TRAPPC12: variants seen among roughly 807,000 people sequenced by gnomAD.
The protein encoded by TRAPPC12 is trafficking protein particle complex subunit 12.
Under a neutral mutation model 69.2 loss-of-function variants are expected in TRAPPC12, and 61 were observed. That is an observed-to-expected ratio of 0.88 (90% CI 0.72 to 1.09). The LOEUF (loss-of-function observed/expected upper bound fraction) is 1.09. Ranked by LOEUF, TRAPPC12 falls within the 50% of genes least tolerant of loss-of-function variation. The probability of loss-of-function intolerance (pLI) is 0.00; values close to 1 mark genes in which losing one functional copy is unlikely to be tolerated. For synonymous variants in TRAPPC12, 469 were observed against 438.9 expected, an observed-to-expected ratio of 1.07 and a Z score of -0.86; for missense variants, 1,101 against 1,016.4, an observed-to-expected ratio of 1.08 and a Z score of -1.13.
At chr2:3,444,023 A>G in intron 6 of TRAPPC12, 132 bp downstream of exon 6, 2 of 660,512 alleles carry the variant, frequency 3.0e-6, no homozygotes, top group Non-Finnish European at 2.6e-6. Context: ...TCAGAAGGCT[A>G]GGTGACCCGG....
intron 2 of TRAPPC12, among the ~76,000 whole-genome samples, chr2:3,394,729 C>T (rs975469760): frequency 1.3e-5 from 2 of 152,160 alleles, no homozygotes; most frequent in South Asian, 2.1e-4. Flanking sequence ...TCCATAATTA[C>T]TGCCAGCCTT....
At chr2:3,443,954 G>A in intron 6 of TRAPPC12, 63 bp downstream of exon 6, 1 of 1,268,028 alleles carries the variant, frequency 7.9e-7, no homozygotes, top group Non-Finnish European at 1.1e-6. Context: ...CCTCCCCACA[G>A]GACATGCCCG....
rs1161771511 is a variant in TRAPPC12 at position 3,421,167 on chromosome 2, T to TA, written c.1165-711dup. ...TCCACTTTTAGCTTCTTAAAAGGTT[T>TA]AAACATTCTGATCTTATTTTCCCAT... On this transcript the variant is annotated intron_variant, in intron 3 of 11. Transcript: ENST00000324266. Among the ~76,000 whole-genome samples the TA allele has an allele frequency of 2.6e-5, 4 of 152,342 alleles. No individual in the cohort carries two copies. The East Asian group carries it at 7.7e-4, about 29-fold the overall frequency.
chr2:3,408,083 GACA>G (rs1364372816), intron 3 of TRAPPC12, among the ~76,000 whole-genome samples: 1 of 152,072 alleles, frequency 6.6e-6, no homozygotes, highest in Non-Finnish European at 1.5e-5. Context: ...TCACCTCTTG[GACA>G]AGTCTGAAGA....
At chr2:3,397,537 A>G (rs1252279979) in intron 2 of TRAPPC12, among the ~76,000 whole-genome samples, 1 of 152,226 alleles carries the variant, frequency 6.6e-6, no homozygotes, top group Non-Finnish European at 1.5e-5. Flanking sequence ...GCTGAGTGTC[A>G]GCAGTAAACT....
chr2:3,393,607 T>C (rs1224068953), intron 2 of TRAPPC12, among the ~76,000 whole-genome samples: 1 of 152,058 alleles, frequency 6.6e-6, no homozygotes, highest in Admixed American at 6.6e-5. Context: ...AATGATCATA[T>C]ATACCTTGAA....
chr2:3,408,642 A>G (rs1661863572), intron 3 of TRAPPC12, among the ~76,000 whole-genome samples: 1 of 152,122 alleles, frequency 6.6e-6, no homozygotes, highest in African/African-American at 2.4e-5. Flanking sequence ...AAAATTTAAA[A>G]AAAAATAATA....
chr2:3,459,683 C>T (rs1030953212), intron 7 of TRAPPC12, among the ~76,000 whole-genome samples: 10 of 152,224 alleles, frequency 6.6e-5, no homozygotes, highest in Non-Finnish European at 7.3e-5. Context: ...AGGAAGCCAG[C>T]TGCAGGGGAG....
At chr2:3,477,636 A>G (rs1450192912) in intron 9 of TRAPPC12, 59 bp from the exon 10 acceptor site, 3 of 987,620 alleles carry the variant, frequency 3.0e-6, no homozygotes, top group Non-Finnish European at 4.6e-6. Flanking sequence ...AACTAAATAT[A>G]TGAGTATAGA....
chr2:3,457,479 AT>A lies in TRAPPC12; in HGVS notation c.1531-136del, dbSNP rs1247791897. ...TAAATAAAATATCAAATGTTTTAAT[AT>A]TTTTTAAAAGTATGTGTGAACATCC... On this transcript the variant is annotated intron_variant, in intron 6 of 11. Transcript: ENST00000324266. 1.8e-5 allele frequency: 12 copies of A among 652,984 alleles called. No individual in the cohort carries two copies. In the East Asian group the frequency reaches 3.0e-4, roughly 16 times the overall value. The allele number at this position is 652,984 out of a possible 1,614,324, so 40.4% of individuals were successfully genotyped here.
chr2:3,439,594 A>G (rs1210278037), intron 5 of TRAPPC12, among the ~76,000 whole-genome samples: 1 of 152,188 alleles, frequency 6.6e-6, no homozygotes, highest in Admixed American at 6.5e-5. Context: ...CAAGTTCTTT[A>G]TCAGATAGGT....
intron 5 of TRAPPC12, among the ~76,000 whole-genome samples, chr2:3,428,024 C>T (rs905662255): frequency 2.6e-5 from 4 of 152,174 alleles, no homozygotes; most frequent in African/African-American, 9.6e-5. Flanking sequence ...TTACCCATCT[C>T]TAAGGAGAGG....
rs1558362932 is a variant in TRAPPC12, at chr2:3,414,831, G to GT, written c.1165-7049dup. On this transcript the variant is annotated intron_variant, in intron 3 of 11. Coordinates refer to ENST00000324266, the MANE Select transcript of TRAPPC12 (RefSeq NM_016030.6). The surrounding 1 kb of genome is among the most constrained non-coding windows in gnomAD (Gnocchi z 4.9). ...GAGTGTCCGTATTTCATAAACACAC[G>GT]TATGTGTGCATGTATGTATTTCTTA... 1.3e-5 allele frequency among the ~76,000 whole-genome samples: 2 copies of GT among 152,150 alleles called. No homozygotes were observed. The highest frequency in any genetic ancestry group is 3.9e-4 in the East Asian group (2 of 5,180).
At chr2:3,479,134 C>T in intron 11 of TRAPPC12, 85 bp from the exon 12 acceptor site, 1 of 1,562,388 alleles carries the variant, frequency 6.4e-7, no homozygotes, top group Non-Finnish European at 8.7e-7. Context: ...CCCCAGGCCC[C>T]TAACACGGCC....
At chr2:3,442,128 C>T (rs1231156727) in intron 5 of TRAPPC12, among the ~76,000 whole-genome samples, 2 of 151,580 alleles carry the variant, frequency 1.3e-5, no homozygotes, top group Non-Finnish European at 3.0e-5. Flanking sequence ...ACGTTGAGAT[C>T]GGAGTATTAA....
At chr2:3,434,583 C>T (rs953851366) in intron 5 of TRAPPC12, among the ~76,000 whole-genome samples, 3 of 152,188 alleles carry the variant, frequency 2.0e-5, no homozygotes, top group South Asian at 2.1e-4. Context: ...AGAACCTGGC[C>T]GGCTTGGGTC....
rs1490325534 is a variant in TRAPPC12, at chr2:3,477,783, T to C, written c.1865T>C (p.Val622Ala). 2 of 1,589,100 alleles carry C rather than the reference T, an allele frequency of 1.3e-6. No homozygotes were observed. The highest frequency in any genetic ancestry group is 1.7e-6 in the Non-Finnish European group (2 of 1,167,916). Residue 622 changes from valine to alanine, a missense_variant, in exon 10 of 12, where the codon GTT (valine) becomes GCT (alanine). Physicochemically the swap from Val to Ala is moderately conservative, Grantham distance 64. Transcript: ENST00000324266. ...GATGGACTACAGGGTAAAATCATGG[T>C]TTTGATGAACAGGTAAATATTTTAA... ...KLDGLQGKIMVLMNSAFLHLG... is the reference protein window; with the variant it reads ...KLDGLQGKIMALMNSAFLHLG...
At chr2:3,469,902 C>T (rs535302849) in intron 9 of TRAPPC12, among the ~76,000 whole-genome samples, 3 of 152,302 alleles carry the variant, frequency 2.0e-5, no homozygotes, top group East Asian at 1.9e-4. Flanking sequence ...GCTAAACGCG[C>T]GTGGAATAAG....
intron 5 of TRAPPC12, among the ~76,000 whole-genome samples, chr2:3,427,894 CAA>C (rs11338736): frequency 2.1e-5 from 3 of 143,272 alleles, no homozygotes; most frequent in Non-Finnish European, 4.6e-5. Flanking sequence ...CTCTGTCCCA[CAA>C]AAAAAAAAAA....
Sources: allele counts gnomAD v4.1 joint callset (sites outside exome capture counted in the v4.1 genomes callset), GRCh38; gene constraint gnomAD v4.1.1; non-coding constraint Gnocchi (gnomAD v3.1); transcripts MANE v1.5; gene names NCBI Gene and HGNC (gene_info 2026-07-23, HGNC 2026-07-21).